The following LPP variants were observed in gnomAD, a reference collection of about 807,000 sequenced individuals.
LPP encodes the protein LIM domain containing preferred translocation partner in lipoma, also known as lipoma-preferred partner.
Under a neutral mutation model 60.4 loss-of-function variants are expected in LPP, and 38 were observed. That is an observed-to-expected ratio of 0.63 (90% CI 0.49 to 0.83). The LOEUF is 0.83. Among genes scored for constraint, LPP ranks in the 40% least tolerant of loss-of-function variants. LPP has a pLI of 0.00. For synonymous variants in LPP, 328 were observed against 290.8 expected, an observed-to-expected ratio of 1.13 and a Z score of -1.30; for missense variants, 902 against 783.6, an observed-to-expected ratio of 1.15 and a Z score of -1.80.
intron 4 of LPP, among the ~76,000 whole-genome samples, chr3:188,474,415 T>TTGACATGCATTGACATGCAC (rs1283432653): frequency 1.3e-5 from 2 of 151,724 alleles, no homozygotes; most frequent in African/African-American, 2.4e-5. Flanking sequence ...TTGACATGCA[T>TTGACATGCATTGACATGCAC]TGACATGAGA....
chr3:188,751,868 T>C (rs1256379984), intron 8 of LPP, among the ~76,000 whole-genome samples: 1 of 152,212 alleles, frequency 6.6e-6, no homozygotes, highest in Non-Finnish European at 1.5e-5. Flanking sequence ...CCCCGGGGTC[T>C]ACAAATTTTT....
intron 6 of LPP, among the ~76,000 whole-genome samples, chr3:188,603,309 A>T (rs1044915208): frequency 2.0e-5 from 3 of 151,126 alleles, no homozygotes; most frequent in Non-Finnish European, 4.4e-5. Flanking sequence ...TTATCTCTTA[A>T]AAATAGGAAA....
intron 6 of LPP, among the ~76,000 whole-genome samples, chr3:188,567,184 G>A (rs995498589): frequency 4.6e-5 from 7 of 151,820 alleles, no homozygotes; most frequent in East Asian, 1.9e-4. Flanking sequence ...GAGAGATGAC[G>A]CTGTAAAACT....
At chr3:188,855,451 C>A (rs1763616697) in intron 9 of LPP, among the ~76,000 whole-genome samples, 1 of 152,090 alleles carries the variant, frequency 6.6e-6, no homozygotes, top group Non-Finnish European at 1.5e-5. Context: ...ATGAAGAAAG[C>A]AACAGGATAA....
At chr3:188,868,216 G>C (rs1233337783) in intron 10 of LPP, among the ~76,000 whole-genome samples, 1 of 152,212 alleles carries the variant, frequency 6.6e-6, no homozygotes, top group African/African-American at 2.4e-5. Context: ...CCTAATCCAA[G>C]AAAGACTGAT....
intron 6 of LPP, among the ~76,000 whole-genome samples, chr3:188,606,116 G>A (rs1022331685): frequency 6.6e-6 from 1 of 152,076 alleles, no homozygotes; most frequent in South Asian, 2.1e-4. Context: ...TGTCAAGAAC[G>A]GTCACAGACC....
chr3:188,449,033 A>T lies in LPP; in HGVS notation c.194-35559A>T, dbSNP rs1033842755. ...AGCAAAAAATAGAAAGTGACACACTAGTCAAGGTTGGTTTATTGTGTGGTA... is the reference window on the plus strand; with the variant it reads ...AGCAAAAAATAGAAAGTGACACACTTGTCAAGGTTGGTTTATTGTGTGGTA... On this transcript the variant is annotated intron_variant, in intron 4 of 11. Transcript: ENST00000617246. Among the ~76,000 whole-genome samples the T allele has an allele frequency of 2.0e-5, 3 of 152,240 alleles. No individual in the cohort carries two copies. In the South Asian group the frequency reaches 6.2e-4, roughly 31 times the overall value.
chr3:188,345,881 C>T (rs1764210111), intron 3 of LPP, among the ~76,000 whole-genome samples: 1 of 152,176 alleles, frequency 6.6e-6, no homozygotes, highest in African/African-American at 2.4e-5. Context: ...AATCAGTTGA[C>T]TGAGTCTGAG....
chr3:188,244,720 C>A (rs1313858056), intron 2 of LPP, among the ~76,000 whole-genome samples: 1 of 151,658 alleles, frequency 6.6e-6, no homozygotes, highest in Non-Finnish European at 1.5e-5. Context: ...CTACCCCTCT[C>A]TCTCTGAGTA....
chr3:188,192,673 C>T (rs989870934), intron 1 of LPP, among the ~76,000 whole-genome samples: 18 of 152,170 alleles, frequency 1.2e-4, no homozygotes, highest in African/African-American at 4.1e-4. Flanking sequence ...AGGGTTTGAT[C>T]TCAGTCTCAT....
intron 4 of LPP, among the ~76,000 whole-genome samples, chr3:188,408,391 C>T (rs1451558553): frequency 6.6e-6 from 1 of 152,162 alleles, no homozygotes; most frequent in Non-Finnish European, 1.5e-5. Context: ...GTGAATTTGA[C>T]ATGCCCTCCT....
chr3:188,556,975 A>G (rs888664309), intron 6 of LPP, among the ~76,000 whole-genome samples: 3 of 152,082 alleles, frequency 2.0e-5, no homozygotes, highest in Non-Finnish European at 2.9e-5. Flanking sequence ...TTTCACAGGC[A>G]TGACCCTCTG....
intron 2 of LPP, among the ~76,000 whole-genome samples, chr3:188,336,440 C>T (rs955819402): frequency 2.6e-5 from 4 of 152,116 alleles, no homozygotes; most frequent in Non-Finnish European, 5.9e-5. Flanking sequence ...AGTTTGGACC[C>T]AGAGAGCAGG....
intron 11 of LPP, among the ~76,000 whole-genome samples, chr3:188,872,969 C>T (rs879515893): frequency 1.3e-5 from 2 of 152,076 alleles, no homozygotes; most frequent in Non-Finnish European, 2.9e-5. Context: ...GCTTGCTCAC[C>T]GGAAGAAAGG....
At chr3:188,287,086 A>G (rs1744179425) in intron 2 of LPP, among the ~76,000 whole-genome samples, 1 of 152,142 alleles carries the variant, frequency 6.6e-6, no homozygotes, top group Non-Finnish European at 1.5e-5. Flanking sequence ...TTTTTCTTAG[A>G]GATGGGGTTT....
chr3:188,876,095 T>C lies in LPP; in HGVS notation c.*1616T>C, dbSNP rs1051942273. ...GTACCGTTTCCTTATTCCACAGATA[T>C]CTTTTTCATTATTGTGAAGTGATGT... On this transcript the variant is annotated 3_prime_UTR_variant, in exon 12 of 12. Transcript: ENST00000617246. 1.1e-5 allele frequency: 2 copies of C among 190,016 alleles called. No homozygotes were observed. Among genetic ancestry groups the C allele is most frequent in the African/African-American group, 2.3e-5 (1 of 42,934 alleles). The allele number at this position is 190,016 out of a possible 1,614,324, so 11.8% of individuals were successfully genotyped here. A position where few individuals can be genotyped will look rare whatever the true frequency, so the allele number is the denominator to read the frequency against.
chr3:188,821,442 T>C (rs1451670406), intron 9 of LPP, among the ~76,000 whole-genome samples: 1 of 151,396 alleles, frequency 6.6e-6, no homozygotes, highest in Non-Finnish European at 1.5e-5. Flanking sequence ...TATTATGATG[T>C]TCATCATTTT....
chr3:188,800,884 G>T (rs1159869745), intron 9 of LPP, among the ~76,000 whole-genome samples: 1 of 151,840 alleles, frequency 6.6e-6, no homozygotes, highest in Non-Finnish European at 1.5e-5. Flanking sequence ...GTTTCTTTTT[G>T]GTTTGGTTAT....
chr3:188,441,609 CTTTTTTTTTTTTTTT>C lies in LPP; in HGVS notation c.193+35311_193+35325del, dbSNP rs1004222826. 4.1e-4 allele frequency among the ~76,000 whole-genome samples: 23 copies of C among 55,672 alleles called. 2 individuals carry two copies. The highest frequency in any genetic ancestry group is 1.0e-3 in the African/African-American group (14 of 13,348). The allele number at this position is 55,672 out of a possible 152,430, so 36.5% of individuals were successfully genotyped here. A position where few individuals can be genotyped will look rare whatever the true frequency, so the allele number is the denominator to read the frequency against. On this transcript the variant is annotated intron_variant, in intron 4 of 11. Transcript: ENST00000617246. ...ACAGTTTCTTTTTTTCTTTTCTTTT[CTTTTTTTTTTTTTTT>C]TTTTTTTTTTTTTTGAGATGGAGTC...
Sources: gnomAD v4.1 joint callset for allele counts (sites outside exome capture counted in the v4.1 genomes callset) on GRCh38, gnomAD v4.1.1 for gene constraint, MANE v1.5 for transcripts, NCBI Gene and HGNC (gene_info 2026-07-23, HGNC 2026-07-21) for gene names.